Variants in SLC8A1 observed in about 807,000 individuals in gnomAD.
SLC8A1 encodes solute carrier family 8 member A1.
SLC8A1 carries 18 observed loss-of-function variants against 68.3 expected under a neutral mutation model. That is an observed-to-expected ratio of 0.26 (90% CI 0.18 to 0.39). The LOEUF (loss-of-function observed/expected upper bound fraction) is 0.39. SLC8A1 is among the 10% of genes least tolerant of loss of function. The pLI is 1.00. For missense variants in SLC8A1, 985 were observed against 1,156.7 expected, an observed-to-expected ratio of 0.85 and a Z score of 2.15; for synonymous variants, 475 against 415.5, an observed-to-expected ratio of 1.14 and a Z score of -1.74.
intron 1 of SLC8A1, among the ~76,000 whole-genome samples, chr2:40,457,941 C>T (rs1465697062): frequency 1.3e-5 from 2 of 152,282 alleles, no homozygotes; most frequent in Middle Eastern, 3.4e-3. Flanking sequence ...CCTGGCTGTA[C>T]GCATGTATCA....
At chr2:40,104,325 G>A (rs2034070031) in exon 8 of SLC8A1, 1 of 152,176 alleles carries the variant, frequency 6.6e-6, no homozygotes, top group South Asian at 2.1e-4. Context: ...CAGCAATGGT[G>A]AGGCAAATGA....
chr2:40,399,328 C>T (rs947989395), intron 2 of SLC8A1, among the ~76,000 whole-genome samples: 15 of 152,056 alleles, frequency 9.9e-5, no homozygotes, highest in Admixed American at 6.6e-5. Context: ...CCCTACCCCT[C>T]GTCTCCCCTT....
At chr2:40,252,878 A>C (rs2063041937) in intron 2 of SLC8A1, among the ~76,000 whole-genome samples, 1 of 109,834 alleles carries the variant, frequency 9.1e-6, no homozygotes, top group Admixed American at 1.1e-4. Flanking sequence ...CCAATAATAT[A>C]TATTTTGAGC....
intron 2 of SLC8A1, among the ~76,000 whole-genome samples, chr2:40,320,022 T>C (rs769955573): frequency 6.6e-6 from 1 of 152,104 alleles, no homozygotes. Context: ...AATAGAATGA[T>C]GGTCAAATGC....
chr2:40,290,219 G>A (rs940944663), intron 2 of SLC8A1, among the ~76,000 whole-genome samples: 6 of 149,932 alleles, frequency 4.0e-5, no homozygotes, highest in Non-Finnish European at 5.9e-5. Context: ...GAAAGTGAAA[G>A]AATGGGAAAC....
At chr2:40,397,392 A>G (rs146660138) in intron 2 of SLC8A1, among the ~76,000 whole-genome samples, 2 of 152,210 alleles carry the variant, frequency 1.3e-5, no homozygotes, top group Non-Finnish European at 2.9e-5. Context: ...GTCTCATTCC[A>G]TAGTCAAAGC....
At chr2:40,382,375 T>C (rs1301563295) in intron 2 of SLC8A1, among the ~76,000 whole-genome samples, 1 of 140,874 alleles carries the variant, frequency 7.1e-6, no homozygotes, top group Non-Finnish European at 1.5e-5. Flanking sequence ...ATGGTAGAAC[T>C]GCACATTTGC....
At chr2:40,230,566 A>G (rs1211952779) in intron 2 of SLC8A1, among the ~76,000 whole-genome samples, 1 of 152,202 alleles carries the variant, frequency 6.6e-6, no homozygotes, top group Non-Finnish European at 1.5e-5. Context: ...GATACACATG[A>G]TAGGCGTGTG....
intron 2 of SLC8A1, among the ~76,000 whole-genome samples, chr2:40,197,268 T>G (rs1300923871): frequency 6.6e-6 from 1 of 152,008 alleles, no homozygotes; most frequent in Non-Finnish European, 1.5e-5. Context: ...TTTCTACGCA[T>G]GCATGTAACT....
intron 6 of SLC8A1, among the ~76,000 whole-genome samples, chr2:40,149,284 G>A (rs1275475296): frequency 6.6e-6 from 1 of 152,138 alleles, no homozygotes; most frequent in African/African-American, 2.4e-5. Context: ...ACAGTTCTAG[G>A]CATTGCAAAT....
chr2:40,199,939 T>C (rs998241327), intron 2 of SLC8A1, among the ~76,000 whole-genome samples: 42 of 150,930 alleles, frequency 2.8e-4, no homozygotes, highest in Non-Finnish European at 7.4e-5. Context: ...CCAGATGTTA[T>C]TCCAATGTTA....
At chr2:40,475,192 A>G (rs1490947633) in intron 1 of SLC8A1, among the ~76,000 whole-genome samples, 1 of 152,078 alleles carries the variant, frequency 6.6e-6, no homozygotes, top group Non-Finnish European at 1.5e-5. Context: ...GGAGTGCAGT[A>G]GCGTGATCTC....
chr2:40,484,335 C>A (rs1430924193), intron 1 of SLC8A1, among the ~76,000 whole-genome samples: 1 of 152,202 alleles, frequency 6.6e-6, no homozygotes, highest in African/African-American at 2.4e-5. Flanking sequence ...GCCAGAGGAA[C>A]TGTGGTGCAA....
At chr2:40,444,264 AG>A (rs1701033790) in intron 1 of SLC8A1, among the ~76,000 whole-genome samples, 1 of 152,114 alleles carries the variant, frequency 6.6e-6, no homozygotes, top group African/African-American at 2.4e-5. Context: ...ACTTGGGCCT[AG>A]GAGGTAGAGA....
chr2:40,296,148 A>G (rs1331474643), intron 2 of SLC8A1, among the ~76,000 whole-genome samples: 1 of 152,198 alleles, frequency 6.6e-6, no homozygotes, highest in Non-Finnish European at 1.5e-5. Context: ...ATTTAGTTGG[A>G]TCTGATTTGC....
intron 2 of SLC8A1, 25 bp from the exon 3 acceptor site, chr2:40,178,518 G>A (rs770934615): frequency 2.6e-6 from 4 of 1,564,702 alleles, no homozygotes; most frequent in East Asian, 2.2e-5. Flanking sequence ...AGAAATTGAC[G>A]AACAAGGGGA....
chr2:40,245,010 CT>C (rs2061675105), intron 2 of SLC8A1, among the ~76,000 whole-genome samples: 1 of 152,192 alleles, frequency 6.6e-6, no homozygotes, highest in African/African-American at 2.4e-5. Flanking sequence ...TCAAAGGTAG[CT>C]TCCTGACTCT....
intron 1 of SLC8A1, among the ~76,000 whole-genome samples, chr2:40,504,005 C>T (rs1246418518): frequency 6.6e-6 from 1 of 152,024 alleles, no homozygotes; most frequent in Non-Finnish European, 1.5e-5. Context: ...TGAAGCTATC[C>T]TAAGCAAAAG....
At chr2:40,452,346 G>A (rs147627448), upstream of SLC8A1, among the ~76,000 whole-genome samples, 471 of 152,096 alleles carry the variant, frequency 3.1e-3, 2 homozygotes, top group African/African-American at 0.011. Context: ...CCGAGCGGGT[G>A]GGGAGCCCTT....
Sources: allele counts gnomAD v4.1 joint callset (sites outside exome capture counted in the v4.1 genomes callset), GRCh38; gene constraint gnomAD v4.1.1; transcripts MANE v1.5; gene names NCBI Gene and HGNC (gene_info 2026-07-23, HGNC 2026-07-21).